Variants in RELCH observed in about 807,000 individuals in gnomAD.
RELCH encodes the protein RAB11-binding protein RELCH.
Under a neutral mutation model 150.3 loss-of-function variants are expected in RELCH, and 41 were observed. The ratio of observed to expected loss-of-function variants is 0.27; its 90% CI spans 0.21 to 0.35. The LOEUF (loss-of-function observed/expected upper bound fraction) is 0.35, where lower values mean the gene tolerates loss of function less well. RELCH is among the 10% of genes least tolerant of loss of function. The pLI is 1.00. For missense variants in RELCH, 1,092 were observed against 1,467.8 expected, an observed-to-expected ratio of 0.74 and a Z score of 4.18; for synonymous variants, 478 against 531.8, an observed-to-expected ratio of 0.90 and a Z score of 1.39.
At chr18:62,257,068 T>C (rs576235761) in intron 13 of RELCH, among the ~76,000 whole-genome samples, 30 of 152,226 alleles carry the variant, frequency 2.0e-4, no homozygotes, top group African/African-American at 6.7e-4. Flanking sequence ...TTTATGCAAA[T>C]AGCCATGTCA....
rs1220252088 is a variant in RELCH, at chr18:62,258,623, T to G, written c.2149T>G (p.Leu717Val). Residue 717 changes from leucine to valine, a missense_variant, in exon 15 of 29, where the codon TTA (leucine) becomes GTA (valine). Leu to Val is a conservative substitution (Grantham distance 32). This residue lies in a region of RELCH where 707 missense variants were observed against 1,025.4 expected (regional missense o/e 0.69). Coordinates refer to ENST00000644646, the MANE Select transcript of RELCH (RefSeq NM_001346231.2). Reference protein sequence around the residue: ...YAAWTTELGNLQSHLILTLLN... With the variant: ...YAAWTTELGNVQSHLILTLLN... ...TGCGTGGACTACAGAACTTGGAAAT[T>G]TACAGTCTCATCTTATACTTACACT... is the stretch of plus-strand genomic sequence containing the variant. The G allele has an allele frequency of 6.3e-7, 1 of 1,598,604 alleles. No individual in the cohort carries two copies. The highest frequency in any genetic ancestry group is 1.1e-5 in the South Asian group (1 of 87,976).
chr18:62,197,584 T>C (rs1022290515), intron 1 of RELCH, among the ~76,000 whole-genome samples: 1 of 152,186 alleles, frequency 6.6e-6, no homozygotes, highest in Admixed American at 6.5e-5. Flanking sequence ...AGGAAATCTA[T>C]ATAGGAAAAC....
chr18:62,244,913 G>A, intron 11 of RELCH, 37 bp downstream of exon 11: 1 of 1,336,582 alleles, frequency 7.5e-7, no homozygotes. Context: ...GAAATACAAT[G>A]TGACTTACTG....
At chr18:62,218,279 T>C (rs1951288477) in intron 2 of RELCH, among the ~76,000 whole-genome samples, 2 of 151,910 alleles carry the variant, frequency 1.3e-5, no homozygotes, top group South Asian at 2.1e-4. Flanking sequence ...GACCTATTGA[T>C]TGGAACTCAT....
chr18:62,200,155 G>A (rs2039332148), intron 1 of RELCH, among the ~76,000 whole-genome samples: 1 of 152,180 alleles, frequency 6.6e-6, no homozygotes. Flanking sequence ...GTGACAAAGA[G>A]AAAAAGACAG....
intron 1 of RELCH, among the ~76,000 whole-genome samples, chr18:62,204,017 A>T (rs2039622404): frequency 6.6e-6 from 1 of 152,150 alleles, no homozygotes; most frequent in Non-Finnish European, 1.5e-5. Context: ...ATATAAATTT[A>T]TTCTATTTTT....
At chr18:62,265,840 A>AAATATATAAATTAATGT (rs1428520870) in intron 18 of RELCH, among the ~76,000 whole-genome samples, 1 of 151,996 alleles carries the variant, frequency 6.6e-6, no homozygotes, top group African/African-American at 2.4e-5. Context: ...CCTTTCTCTC[A>AAATATATAAATTAATGT]GTTTAAGCTA....
chr18:62,278,995 C>A (rs1170754049), intron 22 of RELCH, among the ~76,000 whole-genome samples: 2 of 152,112 alleles, frequency 1.3e-5, no homozygotes, highest in East Asian at 3.8e-4. Context: ...ACTCTCATTT[C>A]TTGAATGCCT....
intron 20 of RELCH, among the ~76,000 whole-genome samples, chr18:62,270,941 A>G (rs1002803167): frequency 6.6e-6 from 1 of 152,070 alleles, no homozygotes; most frequent in African/African-American, 2.4e-5. Context: ...GATGGTTTCC[A>G]GCTGCATCCA....
rs369186582 is a variant in RELCH at position 62,241,436 on chromosome 18, A to G, written c.1621-3328A>G. ...TCTCTTAATAAAAAGAAAGAAATGC[A>G]AACACATAAGTTTTATTATGTGAAG... is the stretch of plus-strand genomic sequence containing the variant. On this transcript the variant is annotated intron_variant, in intron 10 of 28. Transcript: ENST00000644646. Among the ~76,000 whole-genome samples, 36 of 152,274 alleles carry G rather than the reference A, an allele frequency of 2.4e-4. No homozygotes were observed. The East Asian group carries it at 6.6e-3, about 28-fold the overall frequency.
In RELCH at chr18:62,221,104, C is replaced by T. The variant is rs750462099; in HGVS notation, c.684C>T (p.Ala228=). The change falls in exon 3 of 29, where the codon GCC becomes GCT. Residue 228 remains alanine (A), a synonymous_variant. Coordinates refer to ENST00000644646, the MANE Select transcript of RELCH (RefSeq NM_001346231.2). ...IQALRANLTK[A]AEHEVPLQER... Reference sequence around the variant, plus strand: ...CCCTCCGAGCCAACCTGACAAAGGCCGCAGGTGGTGTACATAAAACTTTTT... The same window carrying T: ...CCCTCCGAGCCAACCTGACAAAGGCTGCAGGTGGTGTACATAAAACTTTTT... 1.6e-5 allele frequency: 25 copies of T among 1,612,878 alleles called. No homozygotes were observed. The highest frequency in any genetic ancestry group is 3.3e-5 in the South Asian group (3 of 91,058).
At chr18:62,228,961 G>C (rs561214310) in intron 8 of RELCH, among the ~76,000 whole-genome samples, 1 of 151,902 alleles carries the variant, frequency 6.6e-6, no homozygotes, top group Non-Finnish European at 1.5e-5. Context: ...CTGCGTAGTT[G>C]CCTATGTTAA....
chr18:62,242,106 C>T (rs1018249605), intron 10 of RELCH, among the ~76,000 whole-genome samples: 1 of 152,082 alleles, frequency 6.6e-6, no homozygotes. Context: ...AGAAGCCATC[C>T]GGCATCCTTT....
intron 8 of RELCH, among the ~76,000 whole-genome samples, chr18:62,229,518 G>GTGTCTGTCTGTC (rs1555725660): frequency 6.8e-6 from 1 of 147,644 alleles, no homozygotes. Flanking sequence ...GTGTGTGTGT[G>GTGTCTGTCTGTC]TGTCTGTCTG....
intron 8 of RELCH, among the ~76,000 whole-genome samples, chr18:62,230,076 C>G (rs2148424517): frequency 6.6e-6 from 1 of 152,052 alleles, no homozygotes. Context: ...GAGGCCTGTT[C>G]TATATTCAGA....
At chr18:62,229,518 GTGTC>G (rs1555725660) in intron 8 of RELCH, among the ~76,000 whole-genome samples, 5 of 147,644 alleles carry the variant, frequency 3.4e-5, no homozygotes, top group Non-Finnish European at 6.0e-5. Context: ...GTGTGTGTGT[GTGTC>G]TGTCTGTCTG....
At chr18:62,201,994 A>G (rs921981331) in intron 1 of RELCH, among the ~76,000 whole-genome samples, 1 of 152,214 alleles carries the variant, frequency 6.6e-6, no homozygotes, top group African/African-American at 2.4e-5. Context: ...TATGTGATTT[A>G]AAACATCAAT....
intron 27 of RELCH, among the ~76,000 whole-genome samples, chr18:62,293,643 T>G (rs2045265704): frequency 6.6e-6 from 1 of 152,090 alleles, no homozygotes; most frequent in Non-Finnish European, 1.5e-5. Flanking sequence ...AGACTATGAC[T>G]ATCAGTCTTG....
At position 62,308,608 on chromosome 18, in the gene RELCH, T is replaced by A. The variant is rs1367349696; in HGVS notation, c.*3074T>A. On this transcript the variant is annotated 3_prime_UTR_variant, in exon 29 of 29. Coordinates refer to ENST00000644646, the MANE Select transcript of RELCH (RefSeq NM_001346231.2). ...GACGTGGGCCTGTAATCCCTGCTACTCGGGAGGCTGAGACAGGAGAATCGT... is the reference window on the plus strand; with the variant it reads ...GACGTGGGCCTGTAATCCCTGCTACACGGGAGGCTGAGACAGGAGAATCGT... The A allele has an allele frequency of 6.6e-6, 1 of 152,138 alleles. No homozygotes were observed. Among genetic ancestry groups the A allele is most frequent in the East Asian group, 1.9e-4 (1 of 5,152 alleles). 9.4% of individuals were successfully genotyped at this position (152,138 alleles called of 1,614,324 possible).
Sources: gnomAD v4.1 joint callset for allele counts (sites outside exome capture counted in the v4.1 genomes callset) on GRCh38, gnomAD v4.1.1 for gene constraint, gnomAD v4.1.1 regional missense constraint, MANE v1.5 for transcripts, NCBI Gene and HGNC (gene_info 2026-07-23, HGNC 2026-07-21) for gene names.